GRIK3: variants seen among roughly 807,000 people sequenced by gnomAD.
GRIK3 encodes glutamate ionotropic receptor kainate type subunit 3.
GRIK3 carries 29 observed loss-of-function variants against 102.5 expected under a neutral mutation model. That is an observed-to-expected ratio of 0.28 (90% CI 0.21 to 0.39). The LOEUF is 0.39. GRIK3 is among the 10% of genes least tolerant of loss of function. GRIK3 has a pLI of 1.00. For synonymous variants in GRIK3, 511 were observed against 504.9 expected, an observed-to-expected ratio of 1.01 and a Z score of -0.16; for missense variants, 908 against 1,252.4, an observed-to-expected ratio of 0.73 and a Z score of 4.15.
At chr1:36,967,868 T>C (rs1006570762) in intron 1 of GRIK3, among the ~76,000 whole-genome samples, 1 of 152,188 alleles carries the variant, frequency 6.6e-6, no homozygotes, top group African/African-American at 2.4e-5. Flanking sequence ...CTACGATAAA[T>C]AGTAAGCACT....
chr1:37,011,731 CA>C (rs2124056518), intron 1 of GRIK3, among the ~76,000 whole-genome samples: 1 of 152,238 alleles, frequency 6.6e-6, no homozygotes, highest in Admixed American at 6.5e-5. Flanking sequence ...TAGAAGGGCT[CA>C]AAAAATGTAC....
intron 1 of GRIK3, among the ~76,000 whole-genome samples, chr1:36,962,385 C>T (rs1642019759): frequency 1.3e-5 from 2 of 152,062 alleles, no homozygotes; most frequent in African/African-American, 4.8e-5. Context: ...CCCTGGGGCT[C>T]CCTCTGGTAT....
intron 1 of GRIK3, among the ~76,000 whole-genome samples, chr1:36,976,376 G>A (rs1436371432): frequency 1.3e-5 from 2 of 150,176 alleles, no homozygotes; most frequent in Non-Finnish European, 3.0e-5. Context: ...ATTTTTTTTC[G>A]GGGGAAAAGC....
chr1:36,970,949 GTGA>G (rs1345759184), intron 1 of GRIK3, among the ~76,000 whole-genome samples: 1 of 152,170 alleles, frequency 6.6e-6, no homozygotes, highest in East Asian at 1.9e-4. Context: ...AACTGACTAG[GTGA>G]TGATGTGCTC....
At chr1:36,900,830 G>C (rs531508237) in intron 1 of GRIK3, among the ~76,000 whole-genome samples, 1 of 152,222 alleles carries the variant, frequency 6.6e-6, no homozygotes, top group East Asian at 1.9e-4. Context: ...GAATAAAAAA[G>C]AGAGGATACA....
At chr1:36,826,394 C>A (rs367738081) in intron 10 of GRIK3, among the ~76,000 whole-genome samples, 1 of 152,160 alleles carries the variant, frequency 6.6e-6, no homozygotes, top group Non-Finnish European at 1.5e-5. Context: ...GCAGGCTGGG[C>A]GTTGTGGCTC....
chr1:36,861,210 C>T (rs560795221), intron 5 of GRIK3, among the ~76,000 whole-genome samples: 6 of 152,304 alleles, frequency 3.9e-5, no homozygotes, highest in East Asian at 3.9e-4. Context: ...CCATCTCTGA[C>T]GCATGTTCCT....
intron 1 of GRIK3, among the ~76,000 whole-genome samples, chr1:36,932,319 G>A (rs903845782): frequency 2.6e-5 from 4 of 152,160 alleles, no homozygotes; most frequent in African/African-American, 4.8e-5. Flanking sequence ...GTGCCCAATC[G>A]TAGAAACCTG....
Position 36,819,763 on chromosome 1 carries a change from AC to A in GRIK3, c.1845del (p.Trp615CysfsTer7). ...TGCTGCATCAGGGATCCCATTCCAA[AC>A]CAGAAGCTGTTAAGCAGAGTGAAGT... ...ENNFTLLNSF[W>X]FGMGSLMQQG... On this transcript the variant is annotated frameshift_variant, in exon 12 of 16. Transcript: ENST00000373091. LOFTEE classifies it high-confidence loss of function. The surrounding 1 kb of genome is among the most constrained non-coding windows in gnomAD (Gnocchi z 4.1). 6.3e-7 allele frequency: 1 copy of A among 1,599,244 alleles called. No individual in the cohort carries two copies. The highest frequency in any genetic ancestry group is 8.6e-7 in the Non-Finnish European group (1 of 1,166,842).
intron 1 of GRIK3, among the ~76,000 whole-genome samples, chr1:36,928,386 C>T (rs887450260): frequency 2.0e-5 from 3 of 152,224 alleles, no homozygotes; most frequent in African/African-American, 7.2e-5. Flanking sequence ...TTCATCGTGG[C>T]TGCCCAGGTG....
At chr1:36,934,872 C>A (rs1641638802) in intron 1 of GRIK3, among the ~76,000 whole-genome samples, 1 of 152,226 alleles carries the variant, frequency 6.6e-6, no homozygotes, top group African/African-American at 2.4e-5. Context: ...TCTTTCATCT[C>A]TTTAGCCTCC....
At chr1:36,868,820 C>T (rs1396256152) in intron 5 of GRIK3, among the ~76,000 whole-genome samples, 1 of 152,202 alleles carries the variant, frequency 6.6e-6, no homozygotes, top group African/African-American at 2.4e-5. Context: ...CCTCAAACTT[C>T]CCGCCTTCCA....
intron 1 of GRIK3, among the ~76,000 whole-genome samples, chr1:36,973,869 A>G (rs1642169151): frequency 6.6e-6 from 1 of 152,136 alleles, no homozygotes; most frequent in African/African-American, 2.4e-5. Context: ...GCTGTCATGG[A>G]CAGTACCCTG....
intron 1 of GRIK3, among the ~76,000 whole-genome samples, chr1:36,957,898 C>T (rs1166989690): frequency 4.0e-5 from 3 of 74,186 alleles, no homozygotes; most frequent in Non-Finnish European, 5.0e-5. Flanking sequence ...GTCTGTGTGC[C>T]CTGTGAGTCT....
intron 1 of GRIK3, among the ~76,000 whole-genome samples, chr1:37,006,476 A>G (rs202068816): frequency 7.9e-5 from 12 of 152,404 alleles, no homozygotes; most frequent in African/African-American, 2.9e-4. Context: ...GCTGAGCCTG[A>G]TGGGCCCTTG....
chr1:36,929,962 C>T (rs1324877468), intron 1 of GRIK3, among the ~76,000 whole-genome samples: 2 of 152,230 alleles, frequency 1.3e-5, no homozygotes, highest in Non-Finnish European at 2.9e-5. Context: ...CACAGTGGCG[C>T]TCGCTGCTGG....
intron 1 of GRIK3, among the ~76,000 whole-genome samples, chr1:37,019,795 C>T (rs558566306): frequency 1.3e-3 from 195 of 152,250 alleles, no homozygotes; most frequent in Non-Finnish European, 2.2e-3. Flanking sequence ...TCTGATTCTG[C>T]GAATCCCAGC....
At chr1:36,989,739 T>C (rs1642345114) in intron 1 of GRIK3, among the ~76,000 whole-genome samples, 1 of 152,142 alleles carries the variant, frequency 6.6e-6, no homozygotes, top group Non-Finnish European at 1.5e-5. Context: ...TGGGGTCTTC[T>C]TCCTGCATCT....
chr1:36,957,397 C>CTGTGCCCCGTGAGCCTG (rs1326488745), intron 1 of GRIK3, among the ~76,000 whole-genome samples: 1 of 140,864 alleles, frequency 7.1e-6, no homozygotes, highest in Admixed American at 7.1e-5. Context: ...CTCTGTGAAT[C>CTGTGCCCCGTGAGCCTG]TGTGCCCCGT....
Sources: allele counts gnomAD v4.1 joint callset (sites outside exome capture counted in the v4.1 genomes callset), GRCh38; gene constraint gnomAD v4.1.1; non-coding constraint Gnocchi (gnomAD v3.1); transcripts MANE v1.5; gene names NCBI Gene and HGNC (gene_info 2026-07-23, HGNC 2026-07-21).